GRIK3: variants seen among roughly 807,000 people sequenced by gnomAD.
The protein encoded by GRIK3 is glutamate receptor ionotropic, kainate 3.
In GRIK3, 29 loss-of-function variants were observed where a neutral mutation model predicts 102.5. The observed-to-expected ratio is 0.28, with a 90% CI of 0.21 to 0.39. The LOEUF (loss-of-function observed/expected upper bound fraction) is 0.39. GRIK3 is among the 10% of genes least tolerant of loss of function. The pLI, the probability that GRIK3 is intolerant of heterozygous loss-of-function variation, is 1.00. For missense variants in GRIK3, 908 were observed against 1,252.4 expected, an observed-to-expected ratio of 0.73 and a Z score of 4.15; for synonymous variants, 511 against 504.9, an observed-to-expected ratio of 1.01 and a Z score of -0.16.
chr1:36,990,337 C>A (rs1349750911), intron 1 of GRIK3, among the ~76,000 whole-genome samples: 1 of 152,182 alleles, frequency 6.6e-6, no homozygotes, highest in Non-Finnish European at 1.5e-5. Flanking sequence ...ACATGTCTAC[C>A]ACTCCTGGGC....
intron 2 of GRIK3, among the ~76,000 whole-genome samples, chr1:36,889,242 G>C (rs1217276975): frequency 6.6e-6 from 1 of 151,926 alleles, no homozygotes; most frequent in Middle Eastern, 3.4e-3. Flanking sequence ...AGTTTGAGAA[G>C]AGAAGGATGA....
At chr1:37,016,813 T>G (rs1295157594) in intron 1 of GRIK3, among the ~76,000 whole-genome samples, 1 of 152,038 alleles carries the variant, frequency 6.6e-6, no homozygotes, top group African/African-American at 2.4e-5. Flanking sequence ...CCAATTAAAA[T>G]TAAAATGATG....
At chr1:36,817,784 A>C (rs1642647213) in intron 12 of GRIK3, among the ~76,000 whole-genome samples, 1 of 152,162 alleles carries the variant, frequency 6.6e-6, no homozygotes, top group South Asian at 2.1e-4. Flanking sequence ...AACATGAAGA[A>C]TTGTCCTTCC....
intron 10 of GRIK3, among the ~76,000 whole-genome samples, chr1:36,829,584 C>T (rs501693): frequency 0.17 from 26,592 of 151,978 alleles, 2,667 homozygotes; most frequent in African/African-American, 0.27. Context: ...CCTTTCTGTA[C>T]TATTTCTAAA....
intron 1 of GRIK3, among the ~76,000 whole-genome samples, chr1:36,949,243 T>G (rs1641816379): frequency 1.3e-5 from 2 of 152,200 alleles, no homozygotes; most frequent in South Asian, 4.1e-4. Context: ...GACTGAACCT[T>G]GACCTTAAAC....
At chr1:37,014,217 A>C (rs1438269464) in intron 1 of GRIK3, among the ~76,000 whole-genome samples, 2 of 152,270 alleles carry the variant, frequency 1.3e-5, no homozygotes, top group African/African-American at 4.8e-5. Flanking sequence ...TGCCCTAAGT[A>C]GAGTAGATGA....
chr1:36,852,476 C>T (rs1238282280), intron 8 of GRIK3, among the ~76,000 whole-genome samples: 1 of 152,128 alleles, frequency 6.6e-6, no homozygotes, highest in Admixed American at 6.5e-5. Context: ...CCAGAAGGGC[C>T]AGTTGGTGCA....
chr1:36,805,381 T>A, intron 14 of GRIK3, 144 bp from the exon 15 acceptor site: 1 of 744,674 alleles, frequency 1.3e-6, no homozygotes, highest in Non-Finnish European at 2.1e-6. Flanking sequence ...GAGTCCCCTT[T>A]AAATCGACGC....
At chr1:36,926,338 T>G (rs1426555022) in intron 1 of GRIK3, among the ~76,000 whole-genome samples, 1 of 151,736 alleles carries the variant, frequency 6.6e-6, no homozygotes, top group Non-Finnish European at 1.5e-5. Flanking sequence ...TCATGAACAA[T>G]GCATGTACTT....
At chr1:36,951,950 T>A (rs1171521684) in intron 1 of GRIK3, among the ~76,000 whole-genome samples, 2 of 151,838 alleles carry the variant, frequency 1.3e-5, no homozygotes, top group East Asian at 3.9e-4. Context: ...CTCTGCCAGG[T>A]GGGTTCTGTC....
intron 1 of GRIK3, among the ~76,000 whole-genome samples, chr1:36,971,614 G>T (rs556693482): frequency 6.6e-6 from 1 of 152,264 alleles, no homozygotes; most frequent in Non-Finnish European, 1.5e-5. Flanking sequence ...GTGGGGAAAG[G>T]TTATACTTGG....
intron 1 of GRIK3, among the ~76,000 whole-genome samples, chr1:37,009,674 A>G (rs1642569263): frequency 6.6e-6 from 1 of 152,152 alleles, no homozygotes; most frequent in Admixed American, 6.5e-5. Flanking sequence ...AGACTCTTGG[A>G]GAAGGAGATT....
At chr1:36,856,529 C>T (rs981020694) in intron 7 of GRIK3, among the ~76,000 whole-genome samples, 11 of 152,208 alleles carry the variant, frequency 7.2e-5, no homozygotes, top group South Asian at 4.2e-4. Context: ...GATGGGGAGA[C>T]GGGCAAGTTG....
At chr1:36,823,591 C>T (rs780517747) in intron 11 of GRIK3, among the ~76,000 whole-genome samples, 3 of 152,086 alleles carry the variant, frequency 2.0e-5, no homozygotes, top group African/African-American at 4.8e-5. Flanking sequence ...AACACTGGCC[C>T]GGCATCTCTG....
chr1:36,905,996 A>C (rs1641280494), intron 1 of GRIK3, among the ~76,000 whole-genome samples: 1 of 152,216 alleles, frequency 6.6e-6, no homozygotes, highest in African/African-American at 2.4e-5. Context: ...AAGGATGGTG[A>C]CATGTCTCAG....
chr1:36,868,586 G>C (rs1176540454), intron 5 of GRIK3, among the ~76,000 whole-genome samples: 1 of 152,238 alleles, frequency 6.6e-6, no homozygotes, highest in African/African-American at 2.4e-5. Flanking sequence ...TCCCGTCACA[G>C]TGATTTCAAG....
intron 1 of GRIK3, among the ~76,000 whole-genome samples, chr1:36,965,498 T>G (rs985643396): frequency 2.6e-5 from 4 of 152,128 alleles, no homozygotes; most frequent in African/African-American, 9.7e-5. Context: ...TCCCAGAGAC[T>G]TGGAGAGGGC....
At chr1:37,012,027 C>T (rs1358663110) in intron 1 of GRIK3, among the ~76,000 whole-genome samples, 1 of 152,158 alleles carries the variant, frequency 6.6e-6, no homozygotes, top group African/African-American at 2.4e-5. Context: ...ATCTCCAAGT[C>T]CTGTCTGGGC....
intron 7 of GRIK3, among the ~76,000 whole-genome samples, chr1:36,856,572 G>A (rs992322946): frequency 2.0e-5 from 3 of 152,210 alleles, no homozygotes; most frequent in African/African-American, 4.8e-5. Flanking sequence ...TGCTGGGGTC[G>A]GGCAGGCATC....
Sources: allele counts gnomAD v4.1 joint callset (sites outside exome capture counted in the v4.1 genomes callset), GRCh38; gene constraint gnomAD v4.1.1; transcripts MANE v1.5; gene names NCBI Gene and HGNC (gene_info 2026-07-23, HGNC 2026-07-21).